Variants in LAX1 observed in about 807,000 individuals in gnomAD.
LAX1 encodes lymphocyte transmembrane adaptor 1.
In LAX1, 17 loss-of-function variants were observed where a neutral mutation model predicts 20.7. The observed-to-expected ratio is 0.82, with a 90% CI of 0.56 to 1.23. The LOEUF (loss-of-function observed/expected upper bound fraction) is 1.23, where lower values mean the gene tolerates loss of function less well. LAX1 is among the 50% of genes most tolerant of loss of function. The pLI, the probability that LAX1 is intolerant of heterozygous loss-of-function variation, is 0.00. For synonymous variants in LAX1, 165 were observed against 181.0 expected (o/e 0.91, Z 0.71); for missense variants, 470 against 487.0 (o/e 0.97, Z 0.33).
intron 4 of LAX1, among the ~76,000 whole-genome samples, chr1:203,772,845 T>C (rs1462524645): frequency 1.4e-4 from 22 of 151,758 alleles, no homozygotes; most frequent in Admixed American, 1.4e-3. Context: ...CTGGCTAACT[T>C]TCATATTTTG....
At chr1:203,766,143 A>G (rs1667300045) in intron 1 of LAX1, among the ~76,000 whole-genome samples, 1 of 152,244 alleles carries the variant, frequency 6.6e-6, no homozygotes, top group African/African-American at 2.4e-5. Context: ...AATCTCATAC[A>G]AACAAAATTA....
At chr1:203,770,298 C>A (rs926106690) in intron 1 of LAX1, among the ~76,000 whole-genome samples, 1 of 151,222 alleles carries the variant, frequency 6.6e-6, no homozygotes, top group African/African-American at 2.4e-5. Context: ...CTCCTGTAAT[C>A]CCAGCTACTC....
At chr1:203,769,779 G>GT (rs1432580555) in intron 1 of LAX1, 1 of 151,812 alleles carries the variant, frequency 6.6e-6, no homozygotes, top group Non-Finnish European at 1.5e-5. Flanking sequence ...GGTGCGGGGG[G>GT]GGGGGCGGCG....
intron 1 of LAX1, chr1:203,769,741 T>C (rs1667370880): frequency 7.7e-6 from 1 of 130,194 alleles, no homozygotes; most frequent in African/African-American, 2.9e-5. Flanking sequence ...AACAGCAGTG[T>C]GTTGCTTGGA....
At chr1:203,767,889 C>A (rs1211060179) in intron 1 of LAX1, among the ~76,000 whole-genome samples, 1 of 151,956 alleles carries the variant, frequency 6.6e-6, no homozygotes, top group Non-Finnish European at 1.5e-5. Flanking sequence ...CTTTGGTAGA[C>A]CAAGGCAGGA....
Position 203,774,912 on chromosome 1 carries a change from C to A in LAX1, c.*231C>A. 3.7e-6 allele frequency: 2 copies of A among 547,186 alleles called. No homozygotes were observed. Among genetic ancestry groups the A allele is most frequent in the South Asian group, 2.6e-5 (1 of 38,926 alleles). 33.9% of individuals were successfully genotyped at this position (547,186 alleles called of 1,614,324 possible). On this transcript the variant is annotated 3_prime_UTR_variant, in exon 5 of 5. Transcript: ENST00000442561. ...GAGTGTGGTTATCTCCTGTACCAGC[C>A]TAAGAATGTTTGCTGAAACTGCTTC...
At chr1:203,770,467 A>AG (rs1558070717) in intron 1 of LAX1, among the ~76,000 whole-genome samples, 189 of 12,698 alleles carry the variant, frequency 0.015, 33 homozygotes, top group South Asian at 0.048. Context: ...GGAAGGAAGG[A>AG]AGGAAGGAAG....
Position 203,774,402 on chromosome 1 carries a change from G to A in LAX1, c.918G>A (p.Gln306=). 1 of 1,614,254 alleles carries A rather than the reference G, an allele frequency of 6.2e-7. No individual in the cohort carries two copies. The highest frequency in any genetic ancestry group is 1.3e-5 in the African/African-American group (1 of 75,076). ...NVPAADPSGS[Q]QQAEKDVPSS... is the part of the protein sequence containing the mutation. ...CAGCAGCAGATCCCAGTGGAAGCCA[G>A]CAGCAGGCTGAGAAAGATGTGCCAT... Residue 306 remains glutamine (Q), a synonymous_variant, in exon 5 of 5, where the codon CAG becomes CAA. Coordinates refer to ENST00000442561, the MANE Select transcript of LAX1 (RefSeq NM_017773.4).
At position 203,765,474 on chromosome 1, in the gene LAX1, G is replaced by T; in HGVS notation, c.-92G>T. ...GAGATAGGGAGTTTGTTGCGGGGGTGGGGAGAAGTGGTAGACATGCTGGCT... is the reference window on the plus strand; with the variant it reads ...GAGATAGGGAGTTTGTTGCGGGGGTTGGGAGAAGTGGTAGACATGCTGGCT... On this transcript the variant is annotated 5_prime_UTR_variant, in exon 1 of 5. Transcript: ENST00000442561. 6.3e-7 allele frequency: 1 copy of T among 1,575,524 alleles called. No individual in the cohort carries two copies. Among genetic ancestry groups the T allele is most frequent in the Non-Finnish European group, 8.6e-7 (1 of 1,158,336 alleles).
At chr1:203,770,478 G>A (rs868306232) in intron 1 of LAX1, among the ~76,000 whole-genome samples, 383 of 36,488 alleles carry the variant, frequency 0.01, 28 homozygotes, top group Middle Eastern at 0.029. Flanking sequence ...AGGAAGGAAG[G>A]AAGGAAGGAA....
chr1:203,765,577 C>T lies in LAX1; in HGVS notation c.12C>T (p.Val4=), dbSNP rs757291345. Residue 4 remains valine, a synonymous_variant, in exon 1 of 5, where the codon GTC becomes GTT. Coordinates refer to ENST00000442561, the MANE Select transcript of LAX1 (RefSeq NM_017773.4). MDG[V]TPTLSTIRGR... ...AGGTTCCTGATACAATGGATGGTGT[C>T]ACTCCAACCCTTTCGACAATCAGAG... is the stretch of plus-strand genomic sequence containing the variant. 6.2e-7 allele frequency: 1 copy of T among 1,614,134 alleles called. No homozygotes were observed. Among genetic ancestry groups the T allele is most frequent in the East Asian group, 2.2e-5 (1 of 44,880 alleles).
chr1:203,770,735 C>A, intron 1 of LAX1, 93 bp from the exon 2 acceptor site: 1 of 1,023,566 alleles, frequency 9.8e-7, no homozygotes, highest in Non-Finnish European at 1.5e-6. Flanking sequence ...GGCTCCCATT[C>A]CAAATCTTCA....
chr1:203,767,009 C>T lies in LAX1; in HGVS notation c.89+1355C>T, dbSNP rs549648912. On this transcript the variant is annotated intron_variant, in intron 1 of 4. Transcript: ENST00000442561. The stretch of plus-strand genomic sequence containing the variant: ...TAGCTGGGATTGCAGGCATGTGCCA[C>T]CACCCGCGGCTAACTTTTTTTTGTA... Among the ~76,000 whole-genome samples, 5 of 152,008 alleles carry T rather than the reference C, an allele frequency of 3.3e-5. No homozygotes were observed. The East Asian group carries it at 9.7e-4, about 29-fold the overall frequency.
chr1:203,766,510 A>G (rs1667306118), intron 1 of LAX1, among the ~76,000 whole-genome samples: 1 of 152,182 alleles, frequency 6.6e-6, no homozygotes, highest in African/African-American at 2.4e-5. Context: ...TCGTTTGGGG[A>G]AATAAATGTT....
chr1:203,765,191 T>G lies in LAX1; in HGVS notation c.-375T>G. On this transcript the variant is annotated 5_prime_UTR_variant, in exon 1 of 5. Coordinates refer to ENST00000442561, the MANE Select transcript of LAX1 (RefSeq NM_017773.4). The stretch of plus-strand genomic sequence containing the variant: ...AGTGGTTTGCTCTTTTCACTCTGCT[T>G]TGGGTGTTGAAGGAAGACGAGCTTC... The G allele has an allele frequency of 1.5e-6, 1 of 666,540 alleles. No homozygotes were observed. Among genetic ancestry groups the G allele is most frequent in the Non-Finnish European group, 2.6e-6 (1 of 383,638 alleles). 41.3% of individuals were successfully genotyped at this position (666,540 alleles called of 1,614,324 possible).
At chr1:203,769,765 A>G (rs1212402378) in intron 1 of LAX1, 11 of 73,126 alleles carry the variant, frequency 1.5e-4, no homozygotes, top group Non-Finnish European at 3.0e-4. Context: ...CAGCTCCACA[A>G]ATTGGTGCGG....
chr1:203,772,820 C>A (rs142061930), intron 4 of LAX1, among the ~76,000 whole-genome samples: 23 of 151,746 alleles, frequency 1.5e-4, no homozygotes, highest in African/African-American at 5.3e-4. Flanking sequence ...GGACCACAGG[C>A]ACACACCACC....
intron 2 of LAX1, 104 bp downstream of exon 2, chr1:203,771,041 A>G: frequency 2.1e-6 from 2 of 946,084 alleles, no homozygotes; most frequent in South Asian, 1.4e-5. Flanking sequence ...TGGCCTGGGG[A>G]GTCCTCAGTT....
chr1:203,771,778 C>A (rs1451386075), intron 3 of LAX1, among the ~76,000 whole-genome samples: 1 of 152,126 alleles, frequency 6.6e-6, no homozygotes, highest in Non-Finnish European at 1.5e-5. Context: ...GAACTCGGTG[C>A]CAGCATCACA....
Sources: allele counts gnomAD v4.1 joint callset (sites outside exome capture counted in the v4.1 genomes callset), GRCh38; gene constraint gnomAD v4.1.1; transcripts MANE v1.5; gene names NCBI Gene and HGNC (gene_info 2026-07-23, HGNC 2026-07-21).